The following PPP2R2C variants were observed in gnomAD, a reference collection of about 807,000 sequenced individuals.
PPP2R2C encodes protein phosphatase 2, regulatory subunit B, gamma.
In PPP2R2C, 10 loss-of-function variants were observed where a neutral mutation model predicts 45.3. The observed-to-expected ratio is 0.22, with a 90% CI of 0.14 to 0.37. The LOEUF is 0.37. PPP2R2C is among the 10% of genes least tolerant of loss of function. The pLI is 1.00. For synonymous variants in PPP2R2C, 257 were observed against 245.4 expected (o/e 1.05, Z -0.44); for missense variants, 308 against 619.7 (o/e 0.50, Z 5.34).
intron 1 of PPP2R2C, among the ~76,000 whole-genome samples, chr4:6,555,067 G>A (rs1345757528): frequency 6.6e-6 from 1 of 152,184 alleles, no homozygotes; most frequent in Admixed American, 6.5e-5. Context: ...GATGCCAGCA[G>A]ATTCGATTCA....
intron 5 of PPP2R2C, chr4:6,349,628 C>G: frequency 1.0e-6 from 1 of 962,120 alleles, no homozygotes; most frequent in African/African-American, 1.8e-5. Context: ...ATCACGAGGT[C>G]AGGAGATCGA....
At chr4:6,524,725 T>C (rs1257797522) in intron 2 of PPP2R2C, among the ~76,000 whole-genome samples, 2 of 152,180 alleles carry the variant, frequency 1.3e-5, no homozygotes, top group Non-Finnish European at 2.9e-5. Flanking sequence ...ACAAACTAAG[T>C]TAGGTTGCAG....
At chr4:6,347,573 T>C (rs112461065) in intron 6 of PPP2R2C, among the ~76,000 whole-genome samples, 1 of 152,064 alleles carries the variant, frequency 6.6e-6, no homozygotes, top group Non-Finnish European at 1.5e-5. Flanking sequence ...GGTGCCTCCT[T>C]ACCTTCTGGA....
rs1198604562 is a variant in PPP2R2C at position 6,508,560 on chromosome 4, G to T, written c.49+26711C>A. Among the ~76,000 whole-genome samples the T allele has an allele frequency of 3.2e-4, 49 of 151,970 alleles. 1 individual carries two copies. On this transcript the variant is annotated intron_variant, in intron 2 of 9. Transcript: ENST00000506140. ...GCCAAGATCGTGCCACTGCACTCCA[G>T]CCCTGGCGACGGAGTGAGACTCCAT...
chr4:6,352,049 G>A (rs372713892), intron 5 of PPP2R2C, among the ~76,000 whole-genome samples: 9 of 152,196 alleles, frequency 5.9e-5, no homozygotes, highest in South Asian at 2.1e-4. Flanking sequence ...TCCGGAGCAC[G>A]AGAATTATGC....
intron 1 of PPP2R2C, among the ~76,000 whole-genome samples, chr4:6,406,467 C>G (rs551882472): frequency 4.6e-5 from 7 of 152,350 alleles, no homozygotes; most frequent in Non-Finnish European, 7.3e-5. Context: ...GCAGGGCTCA[C>G]GCCTGTAATC....
At chr4:6,502,354 G>A (rs536616776) in intron 2 of PPP2R2C, among the ~76,000 whole-genome samples, 1 of 152,150 alleles carries the variant, frequency 6.6e-6, no homozygotes, top group Non-Finnish European at 1.5e-5. Flanking sequence ...TCTGGTCTGT[G>A]ATGTACGGTG....
rs1200413860 is a variant in PPP2R2C at position 6,329,504 on chromosome 4, A to G, written c.961-151T>C. 4.5e-6 allele frequency: 3 copies of G among 670,972 alleles called. No homozygotes were observed. Among genetic ancestry groups the G allele is most frequent in the African/African-American group, 3.6e-5 (2 of 56,216 alleles). The allele number at this position is 670,972 out of a possible 1,614,324, so 41.6% of individuals were successfully genotyped here. On this transcript the variant is annotated intron_variant, in intron 7 of 8. Coordinates refer to ENST00000382599, the MANE Select transcript of PPP2R2C (RefSeq NM_020416.4). This position sits in a 1 kb window ranked among gnomAD's most constrained non-coding sequence, Gnocchi z 5.8. Reference sequence around the variant, plus strand: ...TCTCAGCGAGGGTCTGAATGCTCTGACACAGCCCGACACAGCCCTGCTCAT... The same window carrying G: ...TCTCAGCGAGGGTCTGAATGCTCTGGCACAGCCCGACACAGCCCTGCTCAT...
At chr4:6,498,676 G>A (rs867784057) in intron 2 of PPP2R2C, among the ~76,000 whole-genome samples, 10 of 152,098 alleles carry the variant, frequency 6.6e-5, no homozygotes, top group Admixed American at 4.6e-4. Context: ...GCACGGTGAC[G>A]TTGGGGAGCA....
chr4:6,462,933 T>C (rs769525283), intron 1 of PPP2R2C, among the ~76,000 whole-genome samples: 3 of 152,202 alleles, frequency 2.0e-5, no homozygotes, highest in Non-Finnish European at 2.9e-5. Context: ...CTTGTAACAG[T>C]TGGCCAGCAG....
At chr4:6,404,027 G>A (rs1717623872) in intron 1 of PPP2R2C, among the ~76,000 whole-genome samples, 1 of 152,136 alleles carries the variant, frequency 6.6e-6, no homozygotes, top group African/African-American at 2.4e-5. Context: ...CCTTGTCTGT[G>A]ACATGACCTG....
chr4:6,533,811 G>A (rs898067799), intron 2 of PPP2R2C, among the ~76,000 whole-genome samples: 2 of 152,182 alleles, frequency 1.3e-5, no homozygotes, highest in Admixed American at 6.5e-5. Flanking sequence ...CTACAGGCCC[G>A]TCGACCCGGG....
intron 6 of PPP2R2C, among the ~76,000 whole-genome samples, chr4:6,340,648 A>G (rs1196843492): frequency 1.3e-5 from 2 of 151,722 alleles, no homozygotes; most frequent in African/African-American, 4.8e-5. Context: ...AGCGTCTCTC[A>G]CCTGCGTGAA....
At chr4:6,518,129 A>C (rs1723884056) in intron 2 of PPP2R2C, among the ~76,000 whole-genome samples, 1 of 152,238 alleles carries the variant, frequency 6.6e-6, no homozygotes, top group African/African-American at 2.4e-5. Context: ...ACAACTTATC[A>C]AAATTTATGA....
chr4:6,510,380 A>G (rs1238704669), intron 2 of PPP2R2C, among the ~76,000 whole-genome samples: 1 of 152,090 alleles, frequency 6.6e-6, no homozygotes, highest in Admixed American at 6.5e-5. Flanking sequence ...TCTTGGTTCA[A>G]ATGACACCTA....
chr4:6,435,094 T>C (rs1300526093), intron 1 of PPP2R2C, among the ~76,000 whole-genome samples: 2 of 152,208 alleles, frequency 1.3e-5, no homozygotes, highest in Admixed American at 6.5e-5. Flanking sequence ...TTTTTTTATT[T>C]AATTATTTTC....
At chr4:6,513,457 G>T (rs769165247) in intron 2 of PPP2R2C, among the ~76,000 whole-genome samples, 2 of 152,176 alleles carry the variant, frequency 1.3e-5, no homozygotes, top group Non-Finnish European at 2.9e-5. Flanking sequence ...GGTGGAACAG[G>T]GGGTGAAGAG....
intron 8 of PPP2R2C, among the ~76,000 whole-genome samples, chr4:6,325,901 G>T (rs1311023625): frequency 6.6e-6 from 1 of 152,184 alleles, no homozygotes; most frequent in Non-Finnish European, 1.5e-5. Flanking sequence ...TCCTGCCCTC[G>T]CCACCCGTGG....
intron 1 of PPP2R2C, among the ~76,000 whole-genome samples, chr4:6,423,987 T>C (rs1719132095): frequency 6.6e-6 from 1 of 152,264 alleles, no homozygotes; most frequent in Admixed American, 6.5e-5. Context: ...CACCTGGCTG[T>C]CCTGGGGCCA....
Sources: gnomAD v4.1 joint callset for allele counts (sites outside exome capture counted in the v4.1 genomes callset) on GRCh38, gnomAD v4.1.1 for gene constraint, Gnocchi (gnomAD v3.1) non-coding constraint, MANE v1.5 for transcripts, NCBI Gene and HGNC (gene_info 2026-07-23, HGNC 2026-07-21) for gene names.